GMDS: variants seen among roughly 807,000 people sequenced by gnomAD.
GMDS encodes the protein GDP-mannose 4,6 dehydratase.
GMDS carries 20 observed loss-of-function variants against 49.9 expected under a neutral mutation model. The ratio of observed to expected loss-of-function variants is 0.40; its 90% CI spans 0.28 to 0.58. GMDS has a LOEUF of 0.58. Among genes scored for constraint, GMDS ranks in the 20% least tolerant of loss-of-function variants. GMDS has a pLI of 0.42. For missense variants in GMDS, 362 were observed against 481.4 expected (o/e 0.75, Z 2.32); for synonymous variants, 177 against 178.6 (o/e 0.99, Z 0.07).
chr6:2,074,871 A>G (rs1297001080), intron 4 of GMDS, among the ~76,000 whole-genome samples: 1 of 151,786 alleles, frequency 6.6e-6, no homozygotes, highest in Non-Finnish European at 1.5e-5. Flanking sequence ...TGGATATCCA[A>G]TTTTCCCCAG....
chr6:1,742,450 T>G lies in GMDS; in HGVS notation c.890+18A>C. On this transcript the variant is annotated intron_variant, in intron 8 of 10. Coordinates refer to ENST00000380815, the MANE Select transcript of GMDS (RefSeq NM_001500.4). The stretch of plus-strand genomic sequence containing the variant: ...CCTGCCAGAGAGCTACAAGTAGTCA[T>G]TTCTCAGGTATACTTACACAATGGT... 2.1e-6 allele frequency: 3 copies of G among 1,397,846 alleles called. No homozygotes were observed. Among genetic ancestry groups the G allele is most frequent in the Non-Finnish European group, 3.0e-6 (3 of 984,338 alleles). 86.6% of individuals were successfully genotyped at this position (1,397,846 alleles called of 1,614,324 possible).
chr6:1,923,068 G>A (rs1761804227), intron 7 of GMDS, among the ~76,000 whole-genome samples: 1 of 152,202 alleles, frequency 6.6e-6, no homozygotes, highest in South Asian at 2.1e-4. Context: ...TGCCATGTAA[G>A]ACGTGCCTTT....
intron 4 of GMDS, among the ~76,000 whole-genome samples, chr6:2,079,403 A>C (rs1772541946): frequency 6.6e-6 from 1 of 152,012 alleles, no homozygotes; most frequent in African/African-American, 2.4e-5. Context: ...CCGTACAGGT[A>C]CCATTTAATT....
intron 1 of GMDS, among the ~76,000 whole-genome samples, chr6:2,215,421 T>C (rs1221672692): frequency 1.3e-5 from 2 of 151,618 alleles, no homozygotes; most frequent in Non-Finnish European, 2.9e-5. Flanking sequence ...AGCAAAAGGG[T>C]TTCCCTTTAT....
In GMDS at chr6:1,799,729, C is replaced by A. The variant is rs371477300; in HGVS notation, c.772-57143G>T. 2.6e-5 allele frequency among the ~76,000 whole-genome samples: 4 copies of A among 152,184 alleles called. No individual in the cohort carries two copies. The East Asian group carries it at 5.8e-4, about 22-fold the overall frequency. ...GACTCTTGATATATGCATATGCTAC[C>A]CATTTAATGCTGTATGTTGCCACTA... On this transcript the variant is annotated intron_variant, in intron 7 of 10. Transcript: ENST00000380815.
At chr6:1,926,182 T>C (rs1019635620) in intron 7 of GMDS, among the ~76,000 whole-genome samples, 7 of 152,166 alleles carry the variant, frequency 4.6e-5, no homozygotes, top group Non-Finnish European at 1.0e-4. Context: ...ATTCTTCCAG[T>C]ATACCAAAGC....
intron 4 of GMDS, among the ~76,000 whole-genome samples, chr6:2,091,823 A>G (rs776650117): frequency 6.6e-6 from 1 of 151,942 alleles, no homozygotes; most frequent in African/African-American, 2.4e-5. Context: ...GGATCCTTTG[A>G]GCCTGAGAAG....
intron 7 of GMDS, among the ~76,000 whole-genome samples, chr6:1,830,590 T>TAAC (rs556723133): frequency 1.8e-3 from 267 of 152,344 alleles, no homozygotes; most frequent in African/African-American, 6.0e-3. Flanking sequence ...TTTTCCACTC[T>TAAC]AACAAAGGTA....
intron 9 of GMDS, among the ~76,000 whole-genome samples, chr6:1,667,917 C>T (rs1764286307): frequency 9.9e-6 from 1 of 100,546 alleles, no homozygotes; most frequent in African/African-American, 3.1e-5. Context: ...AGACTGGGAC[C>T]CTCTCCGTAT....
At chr6:1,846,575 AT>A (rs1757422805) in intron 7 of GMDS, among the ~76,000 whole-genome samples, 1 of 152,362 alleles carries the variant, frequency 6.6e-6, no homozygotes, top group African/African-American at 2.4e-5. Flanking sequence ...GGGAAACGAT[AT>A]GGAAGCCATG....
At chr6:1,774,843 A>T (rs1291019462) in intron 7 of GMDS, among the ~76,000 whole-genome samples, 1 of 152,118 alleles carries the variant, frequency 6.6e-6, no homozygotes, top group Non-Finnish European at 1.5e-5. Context: ...AGAAGACTGG[A>T]GATTGAGGAA....
intron 4 of GMDS, among the ~76,000 whole-genome samples, chr6:2,107,101 C>T (rs1432112126): frequency 1.3e-5 from 2 of 152,066 alleles, no homozygotes; most frequent in Non-Finnish European, 2.9e-5. Flanking sequence ...GGGTGAAAAA[C>T]CCAACAAGCA....
chr6:2,152,995 G>A (rs187800823), intron 1 of GMDS, among the ~76,000 whole-genome samples: 7 of 152,172 alleles, frequency 4.6e-5, no homozygotes, highest in Admixed American at 2.6e-4. Flanking sequence ...CAGGGGCATC[G>A]CTTGAACCCA....
intron 4 of GMDS, among the ~76,000 whole-genome samples, chr6:2,078,722 T>C (rs1321290456): frequency 6.6e-6 from 1 of 152,120 alleles, no homozygotes; most frequent in Non-Finnish European, 1.5e-5. Flanking sequence ...ATGAGAAGAC[T>C]TTATATTCTG....
At chr6:2,111,037 C>G (rs1774516736) in intron 4 of GMDS, among the ~76,000 whole-genome samples, 1 of 152,182 alleles carries the variant, frequency 6.6e-6, no homozygotes, top group Non-Finnish European at 1.5e-5. Flanking sequence ...AAATACTGCA[C>G]TAGGTTCACT....
chr6:1,879,113 T>C (rs1759240352), intron 7 of GMDS, among the ~76,000 whole-genome samples: 1 of 152,154 alleles, frequency 6.6e-6, no homozygotes, highest in African/African-American at 2.4e-5. Flanking sequence ...CGATAAAGAT[T>C]AAAAAGAAGA....
chr6:1,916,324 C>T (rs183521016), intron 7 of GMDS, among the ~76,000 whole-genome samples: 1 of 152,164 alleles, frequency 6.6e-6, no homozygotes, highest in East Asian at 1.9e-4. Flanking sequence ...GCTCTATCAA[C>T]CCTTCACGTG....
rs377175017 is a variant in GMDS, at chr6:1,896,423, A to C, written c.771+33680T>G. ...AACAAGAGGGAAGGACAAAGTCCTC[A>C]CACGAAGGACCTCAAAGTCTGGCGG... On this transcript the variant is annotated intron_variant, in intron 7 of 10. Transcript: ENST00000380815. Among the ~76,000 whole-genome samples, 62 of 152,362 alleles carry C rather than the reference A, an allele frequency of 4.1e-4. 1 individual carries two copies. In the South Asian group the frequency reaches 0.012, roughly 29 times the overall value.
intron 1 of GMDS, among the ~76,000 whole-genome samples, chr6:2,218,880 C>G (rs1433514112): frequency 6.6e-6 from 1 of 152,106 alleles, no homozygotes; most frequent in African/African-American, 2.4e-5. Context: ...CAAGAGCTAA[C>G]CTAACACCTG....
Sources: allele counts gnomAD v4.1 joint callset (sites outside exome capture counted in the v4.1 genomes callset), GRCh38; gene constraint gnomAD v4.1.1; transcripts MANE v1.5; gene names NCBI Gene and HGNC (gene_info 2026-07-23, HGNC 2026-07-21).